The following HACD2 variants were observed in gnomAD, a reference collection of about 807,000 sequenced individuals.
HACD2 encodes the protein very-long-chain (3R)-3-hydroxyacyl-CoA dehydratase 2.
A neutral mutation model predicts 31.0 loss-of-function variants in HACD2; 15 were observed. The ratio of observed to expected loss-of-function variants is 0.48; its 90% CI spans 0.32 to 0.75. HACD2 has a LOEUF of 0.75. Ranked by LOEUF, HACD2 falls within the 30% of genes least tolerant of loss-of-function variation. HACD2 has a pLI of 0.03. For synonymous variants in HACD2, 115 were observed against 122.2 expected, an observed-to-expected ratio of 0.94 and a Z score of 0.39; for missense variants, 283 against 313.0, an observed-to-expected ratio of 0.90 and a Z score of 0.72.
intron 2 of HACD2, among the ~76,000 whole-genome samples, chr3:123,575,339 A>C (rs1315474964): frequency 1.3e-5 from 2 of 151,756 alleles, no homozygotes; most frequent in African/African-American, 4.8e-5. Context: ...CTGGTCTTGA[A>C]CTCCTGGCCT....
intron 6 of HACD2, among the ~76,000 whole-genome samples, chr3:123,500,241 C>T (rs918107032): frequency 6.6e-6 from 1 of 152,094 alleles, no homozygotes; most frequent in Non-Finnish European, 1.5e-5. Context: ...AGTACTTTCC[C>T]CAATACATAC....
intron 3 of HACD2, among the ~76,000 whole-genome samples, chr3:123,535,100 G>A (rs1337696120): frequency 6.6e-6 from 1 of 152,144 alleles, no homozygotes; most frequent in African/African-American, 2.4e-5. Context: ...ACACAGCAAT[G>A]TCCTAGGCCT....
At chr3:123,507,995 T>C (rs925660443) in intron 4 of HACD2, among the ~76,000 whole-genome samples, 3 of 148,522 alleles carry the variant, frequency 2.0e-5, no homozygotes, top group South Asian at 2.1e-4. Flanking sequence ...ACCCCCCCTC[T>C]CTTAAAAAAA....
chr3:123,501,432 T>A (rs1187384638), intron 5 of HACD2, among the ~76,000 whole-genome samples: 2 of 152,236 alleles, frequency 1.3e-5, no homozygotes, highest in Admixed American at 1.3e-4. Context: ...AAAGGAATCA[T>A]CAGCTCAGAC....
intron 4 of HACD2, among the ~76,000 whole-genome samples, chr3:123,526,736 A>T (rs923944316): frequency 2.0e-5 from 3 of 152,214 alleles, no homozygotes; most frequent in African/African-American, 7.2e-5. Flanking sequence ...GTTATGGAGG[A>T]TGACACCAAG....
intron 6 of HACD2, among the ~76,000 whole-genome samples, chr3:123,497,346 A>T (rs56262642): frequency 0.035 from 5,379 of 152,288 alleles, 105 homozygotes; most frequent in Middle Eastern, 0.088. Context: ...CGTGTGTGTG[A>T]CAGTCCCTGT....
chr3:123,502,507 A>G (rs1039922484), intron 5 of HACD2, 53 bp downstream of exon 5: 2 of 1,575,244 alleles, frequency 1.3e-6, no homozygotes, highest in Admixed American at 1.8e-5. Flanking sequence ...ATAAAGGGCA[A>G]ATTCAATGAC....
intron 4 of HACD2, among the ~76,000 whole-genome samples, chr3:123,510,932 G>GTTTTTTTTTTTGT (rs1559902782): frequency 1.4e-5 from 2 of 142,600 alleles, no homozygotes; most frequent in Non-Finnish European, 1.5e-5. Context: ...CATTTGCTGT[G>GTTTTTTTTTTTGT]TTTTTTTTTT....
At chr3:123,578,614 G>C (rs942791897) in intron 2 of HACD2, among the ~76,000 whole-genome samples, 30 of 152,100 alleles carry the variant, frequency 2.0e-4, no homozygotes, top group Admixed American at 6.5e-4. Flanking sequence ...CTTTGTACTT[G>C]CTTGGTAAAT....
chr3:123,532,459 C>A (rs1189684319), intron 3 of HACD2, among the ~76,000 whole-genome samples: 2 of 152,132 alleles, frequency 1.3e-5, no homozygotes, highest in Non-Finnish European at 2.9e-5. Context: ...CAGATGGCCA[C>A]ATAGATGGGC....
intron 4 of HACD2, among the ~76,000 whole-genome samples, chr3:123,509,107 T>C (rs1410551841): frequency 1.3e-5 from 2 of 152,214 alleles, no homozygotes; most frequent in Non-Finnish European, 2.9e-5. Flanking sequence ...AGCAATGCTA[T>C]AGACTAGGTG....
At chr3:123,542,055 G>A (rs965474671) in intron 3 of HACD2, among the ~76,000 whole-genome samples, 1 of 139,634 alleles carries the variant, frequency 7.2e-6, no homozygotes, top group African/African-American at 2.6e-5. Context: ...GCTGAGGCAG[G>A]AGAATGGCGT....
chr3:123,580,853 A>ATTT (rs60669874), intron 2 of HACD2, among the ~76,000 whole-genome samples: 1 of 105,304 alleles, frequency 9.5e-6, no homozygotes, highest in East Asian at 2.7e-4. Context: ...GAGATAAAGA[A>ATTT]TTTTTTTTTT....
chr3:123,513,790 G>A (rs1044486717), intron 4 of HACD2, among the ~76,000 whole-genome samples: 9 of 152,046 alleles, frequency 5.9e-5, no homozygotes, highest in African/African-American at 1.7e-4. Context: ...TTGTTTGGAC[G>A]GTTCGTGGAA....
At chr3:123,502,838 G>T in intron 4 of HACD2, 157 bp from the exon 5 acceptor site, 1 of 681,596 alleles carries the variant, frequency 1.5e-6, no homozygotes, top group Non-Finnish European at 2.4e-6. Context: ...GTAGAGCTGG[G>T]GCCTAGGATG....
chr3:123,567,646 T>C (rs1394075605), intron 3 of HACD2, 116 bp downstream of exon 3: 3 of 662,104 alleles, frequency 4.5e-6, no homozygotes, highest in South Asian at 9.2e-5. Flanking sequence ...TCATACATGA[T>C]GACTAAATCA....
chr3:123,583,688 T>C (rs7641901), intron 1 of HACD2, among the ~76,000 whole-genome samples: 14,585 of 152,266 alleles, frequency 0.096, 2,310 homozygotes, highest in African/African-American at 0.33. Flanking sequence ...TGCTGAACTG[T>C]AAAAATATTA....
intron 3 of HACD2, among the ~76,000 whole-genome samples, chr3:123,565,108 G>T (rs1451439442): frequency 6.6e-6 from 1 of 152,098 alleles, no homozygotes; most frequent in African/African-American, 2.4e-5. Flanking sequence ...ACAGCACCTG[G>T]TATGCACACG....
intron 6 of HACD2, among the ~76,000 whole-genome samples, chr3:123,500,110 A>T (rs1431506483): frequency 6.6e-6 from 1 of 152,234 alleles, no homozygotes; most frequent in Non-Finnish European, 1.5e-5. Context: ...GTCTATTTTG[A>T]TATAGTAACC....
Sources: allele counts gnomAD v4.1 joint callset (sites outside exome capture counted in the v4.1 genomes callset), GRCh38; gene constraint gnomAD v4.1.1; transcripts MANE v1.5; gene names NCBI Gene and HGNC (gene_info 2026-07-23, HGNC 2026-07-21).